Variants in HDAC4 observed in about 807,000 individuals in gnomAD.
HDAC4 encodes the protein histone deacetylase 4.
A neutral mutation model predicts 135.1 loss-of-function variants in HDAC4; 16 were observed. That is an observed-to-expected ratio of 0.12 (90% confidence interval 0.08 to 0.18). The LOEUF (loss-of-function observed/expected upper bound fraction) is 0.18, where lower values mean the gene tolerates loss of function less well. HDAC4 is among the 10% of genes least tolerant of loss of function. HDAC4 has a pLI of 1.00. For synonymous variants in HDAC4, 685 were observed against 653.4 expected (o/e 1.05, Z -0.74); for missense variants, 1,143 against 1,511.8 (o/e 0.76, Z 4.05).
At chr2:239,334,806 A>G (rs1272729711) in intron 2 of HDAC4, among the ~76,000 whole-genome samples, 2 of 152,108 alleles carry the variant, frequency 1.3e-5, no homozygotes, top group African/African-American at 2.4e-5. Context: ...GTGGATCACA[A>G]GGTCAGGAGA....
At chr2:239,132,710 C>T (rs905538136) in intron 11 of HDAC4, among the ~76,000 whole-genome samples, 1 of 152,206 alleles carries the variant, frequency 6.6e-6, no homozygotes, top group Non-Finnish European at 1.5e-5. Flanking sequence ...AGGCTGTTTT[C>T]CAAAAACCTG....
intron 20 of HDAC4, 28 bp downstream of exon 20, chr2:239,084,127 C>G (rs1456451878): frequency 3.2e-6 from 5 of 1,561,550 alleles, no homozygotes; most frequent in Non-Finnish European, 4.4e-6. Context: ...GCAACCTGAG[C>G]TGCGCTGGCC....
chr2:239,375,046 C>G (rs1202026502), intron 1 of HDAC4, among the ~76,000 whole-genome samples: 1 of 152,192 alleles, frequency 6.6e-6, no homozygotes, highest in Non-Finnish European at 1.5e-5. Context: ...TCAGGAGTTG[C>G]CTGCTGCGGG....
At chr2:239,365,605 C>CCAGGGTCAT (rs1214294442) in intron 1 of HDAC4, among the ~76,000 whole-genome samples, 1 of 152,012 alleles carries the variant, frequency 6.6e-6, no homozygotes, top group Non-Finnish European at 1.5e-5. Flanking sequence ...CTTGCACAGG[C>CCAGGGTCAT]CAGGGTCATC....
At chr2:239,216,476 G>T (rs1040179318) in intron 3 of HDAC4, among the ~76,000 whole-genome samples, 2 of 152,196 alleles carry the variant, frequency 1.3e-5, no homozygotes, top group African/African-American at 4.8e-5. Flanking sequence ...GGGGACACAG[G>T]TGCTCACTGT....
In HDAC4 at chr2:239,080,201, C is replaced by T. The variant is rs117611142; in HGVS notation, c.2750+894G>A. On this transcript the variant is annotated intron_variant, in intron 22 of 26. Coordinates refer to ENST00000543185, the MANE Select transcript of HDAC4 (RefSeq NM_001378414.1). ...ATCCATACACAGACACATGCACACACGTCACAAAGACACGTCTGCACACGT... is the reference window on the plus strand; with the variant it reads ...ATCCATACACAGACACATGCACACATGTCACAAAGACACGTCTGCACACGT... Among the ~76,000 whole-genome samples the T allele has an allele frequency of 6.8e-4, 104 of 152,138 alleles. No homozygotes were observed. In the East Asian group the frequency reaches 0.017, roughly 25 times the overall value.
intron 14 of HDAC4, among the ~76,000 whole-genome samples, chr2:239,108,921 G>A (rs1286353223): frequency 1.3e-5 from 2 of 152,228 alleles, no homozygotes; most frequent in Non-Finnish European, 2.9e-5. Context: ...GGCAGCCTGG[G>A]GCTCTGCAGC....
chr2:239,118,388 C>T (rs781530558), intron 12 of HDAC4, among the ~76,000 whole-genome samples: 8 of 152,138 alleles, frequency 5.3e-5, no homozygotes, highest in South Asian at 2.1e-4. Flanking sequence ...GGTGTCGGGG[C>T]GGGCCGGCCA....
chr2:239,163,741 G>T, intron 6 of HDAC4, 62 bp downstream of exon 6: 5 of 1,561,844 alleles, frequency 3.2e-6, no homozygotes, highest in Non-Finnish European at 4.4e-6. Context: ...ATCTACCGGC[G>T]ATCAGACAGT....
intron 4 of HDAC4, among the ~76,000 whole-genome samples, chr2:239,178,996 G>A (rs2043958731): frequency 1.3e-5 from 2 of 151,306 alleles, no homozygotes; most frequent in Admixed American, 6.6e-5. Context: ...CCAGACGCCC[G>A]AGGCATAGAG....
At chr2:239,067,192 G>C (rs2033618706) in intron 23 of HDAC4, among the ~76,000 whole-genome samples, 1 of 152,214 alleles carries the variant, frequency 6.6e-6, no homozygotes, top group African/African-American at 2.4e-5. Context: ...TGTGGCCGTG[G>C]CCCAGCGGGC....
At position 239,350,321 on chromosome 2, in the gene HDAC4, A is replaced by G. The variant is rs148000798; in HGVS notation, c.22+2357T>C. The stretch of plus-strand genomic sequence containing the variant: ...TAAAGCAAAAAATGGTTATTAATGT[A>G]AAAAGAATATTATAAGACTATAATC... On this transcript the variant is annotated intron_variant, in intron 2 of 26. Coordinates refer to ENST00000543185, the MANE Select transcript of HDAC4 (RefSeq NM_001378414.1). 5.3e-4 allele frequency among the ~76,000 whole-genome samples: 81 copies of G among 152,302 alleles called. 1 individual carries two copies. Among genetic ancestry groups the G allele is most frequent in the Non-Finnish European group, 9.6e-4 (65 of 68,028 alleles).
Position 239,352,168 on chromosome 2 carries a change from G to A in HDAC4, c.22+510C>T, listed in dbSNP as rs1374190783. On this transcript the variant is annotated intron_variant, in intron 2 of 26. Transcript: ENST00000543185. This position sits in a 1 kb window ranked among gnomAD's most constrained non-coding sequence, Gnocchi z 4.4. ...CCCTCCAGGCCTGAGATGATCTGGG[G>A]CTGTACTAAATGCTTGTAAAATGCT... 6.6e-6 allele frequency among the ~76,000 whole-genome samples: 1 copy of A among 152,144 alleles called. No individual in the cohort carries two copies. Among genetic ancestry groups the A allele is most frequent in the Non-Finnish European group, 1.5e-5 (1 of 68,020 alleles).
At chr2:239,394,245 AAAC>A (rs1696418742) in intron 1 of HDAC4, among the ~76,000 whole-genome samples, 2 of 152,250 alleles carry the variant, frequency 1.3e-5, no homozygotes, top group South Asian at 4.1e-4. Flanking sequence ...AGTACTTCAT[AAAC>A]AACAGTAAAC....
intron 1 of HDAC4, among the ~76,000 whole-genome samples, chr2:239,384,110 G>A (rs1695619725): frequency 6.6e-6 from 1 of 152,212 alleles, no homozygotes; most frequent in African/African-American, 2.4e-5. Context: ...TGCAAAGGCA[G>A]AAAACCCAGG....
At chr2:239,176,371 C>CGGCCTCCCTCCCTCTGCCT (rs773365138) in intron 5 of HDAC4, 42 bp downstream of exon 5, 13 of 1,580,094 alleles carry the variant, frequency 8.2e-6, no homozygotes, top group South Asian at 2.2e-5. Context: ...TCCCTCTGCC[C>CGGCCTCCCTCCCTCTGCCT]GGCCTCCCTC....
intron 12 of HDAC4, among the ~76,000 whole-genome samples, chr2:239,117,475 A>G (rs981680956): frequency 2.0e-5 from 3 of 151,358 alleles, no homozygotes; most frequent in Admixed American, 2.0e-4. Flanking sequence ...GAGCTGCCCC[A>G]TCACATCTGG....
intron 2 of HDAC4, among the ~76,000 whole-genome samples, chr2:239,237,011 G>A (rs1321512840): frequency 2.0e-5 from 3 of 152,100 alleles, no homozygotes; most frequent in African/African-American, 7.2e-5. Flanking sequence ...AAAAAGAGAA[G>A]AGCAGCTCTT....
At position 239,334,171 on chromosome 2, in the gene HDAC4, A is replaced by G. The variant is rs1691766445; in HGVS notation, c.22+18507T>C. 1.3e-5 allele frequency among the ~76,000 whole-genome samples: 2 copies of G among 152,242 alleles called. 1 individual carries two copies. The highest frequency in any genetic ancestry group is 4.1e-4 in the South Asian group (2 of 4,836). On this transcript the variant is annotated intron_variant, in intron 2 of 26. Transcript: ENST00000543185. Reference sequence around the variant, plus strand: ...AATTGTGCTTCTAAACATTACAAAAATAAAATTCCCCCAACAAAACAGCAT... The same window carrying G: ...AATTGTGCTTCTAAACATTACAAAAGTAAAATTCCCCCAACAAAACAGCAT...
Sources: allele counts gnomAD v4.1 joint callset (sites outside exome capture counted in the v4.1 genomes callset), GRCh38; gene constraint gnomAD v4.1.1; non-coding constraint Gnocchi (gnomAD v3.1); transcripts MANE v1.5; gene names NCBI Gene and HGNC (gene_info 2026-07-23, HGNC 2026-07-21).